Variants in CDS1 observed in about 807,000 individuals in gnomAD.
The protein encoded by CDS1 is CDP-diacylglycerol synthase 1.
CDS1 carries 41 observed loss-of-function variants against 62.1 expected under a neutral mutation model. The observed-to-expected ratio is 0.66, with a 90% confidence interval of 0.51 to 0.86. CDS1 has a LOEUF of 0.86. Among genes scored for constraint, CDS1 ranks in the 40% least tolerant of loss-of-function variants. CDS1 has a pLI of 0.00. For synonymous variants in CDS1, 185 were observed against 192.6 expected (o/e 0.96, Z 0.32); for missense variants, 470 against 550.1 (o/e 0.85, Z 1.46).
intron 5 of CDS1, among the ~76,000 whole-genome samples, chr4:84,629,358 A>G (rs928997703): frequency 1.5e-4 from 21 of 136,138 alleles, no homozygotes; most frequent in African/African-American, 1.4e-4. Context: ...AAATACTCTG[A>G]AAAAAAAAAA....
In CDS1 at chr4:84,592,345, G is replaced by C. The variant is rs977757242; in HGVS notation, c.117+8827G>C. 4.6e-5 allele frequency among the ~76,000 whole-genome samples: 7 copies of C among 151,760 alleles called. No individual in the cohort carries two copies. In the East Asian group the frequency reaches 1.2e-3, roughly 25 times the overall value. ...CAGCACAAAAGCCTAGCTAATTTTT[G>C]TATTTTTAGTAGAGATGGGGTTTCA... On this transcript the variant is annotated intron_variant, in intron 1 of 12. Coordinates refer to ENST00000295887, the MANE Select transcript of CDS1 (RefSeq NM_001263.4).
intron 3 of CDS1, among the ~76,000 whole-genome samples, chr4:84,613,067 C>T (rs1723375187): frequency 6.7e-6 from 1 of 150,074 alleles, no homozygotes; most frequent in African/African-American, 2.5e-5. Context: ...AAGTTTATTA[C>T]ATACACATAC....
At chr4:84,587,565 T>C (rs1722457373) in intron 1 of CDS1, among the ~76,000 whole-genome samples, 1 of 152,172 alleles carries the variant, frequency 6.6e-6, no homozygotes, top group Non-Finnish European at 1.5e-5. Context: ...GGCAGGGAAG[T>C]GGGCTGGTGA....
In CDS1 at chr4:84,645,284, G is replaced by T; in HGVS notation, c.1215G>T (p.Leu405Phe). ...TGGACAGATTTGATTGTCAGTATTT[G>T]ATGGCAACTTTTGTACATGTGTACA... ...GIMDRFDCQY[L>F]MATFVHVYIT... The change falls in exon 12 of 13, where the codon TTG (leucine) becomes TTT (phenylalanine). Residue 405 changes from leucine to phenylalanine, a missense_variant. By Grantham distance (22) the Leu-to-Phe change is conservative (BLOSUM62 0). Transcript: ENST00000295887. The T allele has an allele frequency of 6.2e-7, 1 of 1,612,380 alleles. No homozygotes were observed. The highest frequency in any genetic ancestry group is 8.5e-7 in the Non-Finnish European group (1 of 1,178,582).
In CDS1 at chr4:84,648,774, A is replaced by C; in HGVS notation, c.*88A>C. ...TTATAAATTGTACAGAAAAATAGTTAAAAATGCAATAGGTTGAAGTTTTGG... is the reference window on the plus strand; with the variant it reads ...TTATAAATTGTACAGAAAAATAGTTCAAAATGCAATAGGTTGAAGTTTTGG... On this transcript the variant is annotated 3_prime_UTR_variant, in exon 13 of 13. Transcript: ENST00000295887. 7.5e-7 allele frequency: 1 copy of C among 1,334,372 alleles called. No homozygotes were observed. The highest frequency in any genetic ancestry group is 2.4e-5 in the East Asian group (1 of 41,620). The allele number at this position is 1,334,372 out of a possible 1,614,324, so 82.7% of individuals were successfully genotyped here. A position where few individuals can be genotyped will look rare whatever the true frequency, so the allele number is the denominator to read the frequency against.
intron 1 of CDS1, among the ~76,000 whole-genome samples, chr4:84,598,488 T>C (rs1488934408): frequency 6.6e-6 from 1 of 151,938 alleles, no homozygotes; most frequent in Non-Finnish European, 1.5e-5. Context: ...ATATGTATAC[T>C]CACTTTTTAA....
intron 8 of CDS1, 122 bp from the exon 9 acceptor site, chr4:84,638,802 A>T (rs1724292978): frequency 3.5e-6 from 1 of 285,276 alleles, no homozygotes; most frequent in South Asian, 1.6e-4. Flanking sequence ...CTATTCCAAT[A>T]AGAGAAAAAG....
chr4:84,583,783 C>T (rs1434087270), intron 1 of CDS1, among the ~76,000 whole-genome samples: 3 of 152,140 alleles, frequency 2.0e-5, no homozygotes, highest in Admixed American at 6.5e-5. Flanking sequence ...TTAGCTTCAT[C>T]CTCTTCCGGT....
chr4:84,590,074 G>A (rs1161778346), intron 1 of CDS1, among the ~76,000 whole-genome samples: 6 of 152,222 alleles, frequency 3.9e-5, no homozygotes, highest in African/African-American at 1.2e-4. Context: ...GCCTCCCAAA[G>A]TGCTGGGATT....
intron 9 of CDS1, 88 bp downstream of exon 9, chr4:84,639,080 A>T (rs1246986413): frequency 5.7e-6 from 3 of 527,464 alleles, no homozygotes; most frequent in Non-Finnish European, 9.5e-6. Flanking sequence ...GAAAAATTAA[A>T]CCACAAAATG....
At chr4:84,598,136 AAAAAAG>A (rs1220588007) in intron 1 of CDS1, among the ~76,000 whole-genome samples, 6,358 of 150,538 alleles carry the variant, frequency 0.042, 394 homozygotes, top group African/African-American at 0.15. Context: ...CAAAAAAAAA[AAAAAAG>A]AAAAAGAAAA....
intron 2 of CDS1, among the ~76,000 whole-genome samples, chr4:84,606,892 T>C (rs995713474): frequency 2.0e-5 from 3 of 152,114 alleles, no homozygotes; most frequent in Non-Finnish European, 4.4e-5. Flanking sequence ...TGGCTTGTGG[T>C]CCTTTATTTA....
chr4:84,635,420 A>G lies in CDS1; in HGVS notation c.810+69A>G, dbSNP rs1244424736. Reference sequence around the variant, plus strand: ...GATTAGCCACTGGAGAACATTTCCAACAACTGTGCTGTTGTGCATTTTTTA... The same window carrying G: ...GATTAGCCACTGGAGAACATTTCCAGCAACTGTGCTGTTGTGCATTTTTTA... On this transcript the variant is annotated intron_variant, in intron 8 of 12. Coordinates refer to ENST00000295887, the MANE Select transcript of CDS1 (RefSeq NM_001263.4). 11 of 801,998 alleles carry G rather than the reference A, an allele frequency of 1.4e-5. No homozygotes were observed. The Admixed American group carries it at 1.6e-4, about 12-fold the overall frequency. The allele number at this position is 801,998 out of a possible 1,614,324, so 49.7% of individuals were successfully genotyped here.
intron 1 of CDS1, among the ~76,000 whole-genome samples, chr4:84,588,314 G>T (rs1457214736): frequency 6.6e-6 from 1 of 152,196 alleles, no homozygotes; most frequent in Non-Finnish European, 1.5e-5. Flanking sequence ...CATTTGAGAT[G>T]TGTGCAGCTT....
intron 7 of CDS1, among the ~76,000 whole-genome samples, chr4:84,634,189 T>G (rs114642284): frequency 1.5e-3 from 234 of 152,320 alleles, no homozygotes; most frequent in African/African-American, 5.4e-3. Flanking sequence ...AAAAATTAAT[T>G]ACATTTTCAG....
At chr4:84,617,693 A>G (rs2148647132) in intron 4 of CDS1, 32 bp downstream of exon 4, 1 of 1,099,076 alleles carries the variant, frequency 9.1e-7, no homozygotes, top group Non-Finnish European at 1.4e-6. Context: ...TCAGATATGA[A>G]AAGTTAATTT....
intron 5 of CDS1, among the ~76,000 whole-genome samples, chr4:84,631,575 A>T (rs1724020924): frequency 6.6e-6 from 1 of 152,208 alleles, no homozygotes; most frequent in Non-Finnish European, 1.5e-5. Flanking sequence ...AATTGAATTA[A>T]TGCAGAGGAT....
At chr4:84,627,833 C>T (rs561901313) in intron 5 of CDS1, among the ~76,000 whole-genome samples, 1 of 152,134 alleles carries the variant, frequency 6.6e-6, no homozygotes, top group South Asian at 2.1e-4. Flanking sequence ...AGAAAAGTGT[C>T]ACAAATAATT....
intron 3 of CDS1, among the ~76,000 whole-genome samples, chr4:84,614,727 T>C (rs1723433757): frequency 6.6e-6 from 1 of 152,238 alleles, no homozygotes; most frequent in South Asian, 2.1e-4. Context: ...GGAATGTATA[T>C]ATATTTTTTA....
Sources: gnomAD v4.1 joint callset for allele counts (sites outside exome capture counted in the v4.1 genomes callset) on GRCh38, gnomAD v4.1.1 for gene constraint, MANE v1.5 for transcripts, NCBI Gene and HGNC (gene_info 2026-07-23, HGNC 2026-07-21) for gene names.